ZCWPW2: variants seen among roughly 807,000 people sequenced by gnomAD.
The protein encoded by ZCWPW2 is zinc finger CW-type and PWWP domain containing 2.
Under a neutral mutation model 46.6 loss-of-function variants are expected in ZCWPW2, and 45 were observed. The ratio of observed to expected loss-of-function variants is 0.96; its 90% CI spans 0.76 to 1.24. ZCWPW2 has a LOEUF of 1.24. Among genes scored for constraint, ZCWPW2 ranks in the 50% most tolerant of loss-of-function variants. The pLI, the probability that ZCWPW2 is intolerant of heterozygous loss-of-function variation, is 0.00. For missense variants in ZCWPW2, 429 were observed against 403.9 expected, an observed-to-expected ratio of 1.06 and a Z score of -0.53; for synonymous variants, 152 against 137.1, an observed-to-expected ratio of 1.11 and a Z score of -0.76.
At position 28,435,099 on chromosome 3, in the gene ZCWPW2, TC is replaced by T. The variant is rs1214326054; in HGVS notation, c.333-10del. 6.2e-7 allele frequency: 1 copy of T among 1,604,734 alleles called. No homozygotes were observed. Among genetic ancestry groups the T allele is most frequent in the Non-Finnish European group, 8.5e-7 (1 of 1,177,948 alleles). The stretch of plus-strand genomic sequence containing the variant: ...AGCATCAAAATAATTACAAATATTT[TC>T]TTTTGAAAGTTGGCCAGGAATACTT... On this transcript the variant is annotated splice_polypyrimidine_tract_variant and intron_variant, in intron 3 of 9. Coordinates refer to ENST00000383768, the MANE Select transcript of ZCWPW2 (RefSeq NM_001040432.4).
At chr3:28,422,861 C>T (rs1696851139) in intron 3 of ZCWPW2, among the ~76,000 whole-genome samples, 1 of 152,096 alleles carries the variant, frequency 6.6e-6, no homozygotes, top group Admixed American at 6.5e-5. Flanking sequence ...TGCTTCACCT[C>T]CCTGCCAGCA....
At chr3:28,502,139 A>G (rs569944700) in intron 6 of ZCWPW2, among the ~76,000 whole-genome samples, 110 of 152,098 alleles carry the variant, frequency 7.2e-4, no homozygotes, top group Non-Finnish European at 1.1e-3. Context: ...TTAACAAGAT[A>G]CTCTTTAGTA....
rs1700541303 is a variant in ZCWPW2 at position 28,515,618 on chromosome 3, A to C, written c.781A>C (p.Arg261=). ...YSDDALSKEN[R]VVCETEVLLK... is the part of the protein sequence containing the mutation. ...TGATGATGCCTTATCAAAGGAGAACAGGGGTATGTGAAAGCCTGTCCTGCT... is the reference window on the plus strand; with the variant it reads ...TGATGATGCCTTATCAAAGGAGAACCGGGGTATGTGAAAGCCTGTCCTGCT... Residue 261 remains arginine (R), a synonymous_variant, in exon 8 of 10, where the codon AGG becomes CGG. Coordinates refer to ENST00000383768, the MANE Select transcript of ZCWPW2 (RefSeq NM_001040432.4). 6.2e-7 allele frequency: 1 copy of C among 1,603,876 alleles called. No homozygotes were observed. Among genetic ancestry groups the C allele is most frequent in the Non-Finnish European group, 8.5e-7 (1 of 1,179,000 alleles).
At chr3:28,502,622 C>A (rs530249163) in intron 6 of ZCWPW2, among the ~76,000 whole-genome samples, 1 of 151,934 alleles carries the variant, frequency 6.6e-6, no homozygotes, top group South Asian at 2.1e-4. Context: ...TGTTGTAGTG[C>A]GAAGACCACA....
At chr3:28,392,829 A>G (rs1695548410) in intron 2 of ZCWPW2, among the ~76,000 whole-genome samples, 1 of 152,102 alleles carries the variant, frequency 6.6e-6, no homozygotes, top group Admixed American at 6.5e-5. Context: ...AGAAAAATTT[A>G]TAGCAATAAA....
intron 8 of ZCWPW2, among the ~76,000 whole-genome samples, chr3:28,520,478 G>T (rs2125838801): frequency 6.6e-6 from 1 of 152,200 alleles, no homozygotes; most frequent in Non-Finnish European, 1.5e-5. Flanking sequence ...GGCAAACTGT[G>T]GTCACCAGCT....
chr3:28,517,218 G>A (rs929363974), intron 8 of ZCWPW2, among the ~76,000 whole-genome samples: 2 of 151,902 alleles, frequency 1.3e-5, no homozygotes, highest in African/African-American at 4.8e-5. Context: ...TGCCAGCTTT[G>A]GGGTAACCCA....
intron 5 of ZCWPW2, among the ~76,000 whole-genome samples, chr3:28,482,269 G>T (rs1002982576): frequency 2.6e-5 from 4 of 152,048 alleles, no homozygotes; most frequent in African/African-American, 9.7e-5. Flanking sequence ...TTTCAGATTG[G>T]TTTCTTTCTC....
chr3:28,448,391 G>GT (rs1698079627), intron 4 of ZCWPW2, among the ~76,000 whole-genome samples: 1 of 152,000 alleles, frequency 6.6e-6, no homozygotes, highest in African/African-American at 2.4e-5. Flanking sequence ...TCAAATACTT[G>GT]TACAATGAAA....
chr3:28,396,398 C>A (rs1010608222), intron 2 of ZCWPW2, among the ~76,000 whole-genome samples: 13 of 152,068 alleles, frequency 8.5e-5, no homozygotes, highest in African/African-American at 3.1e-4. Context: ...AAGTAATATT[C>A]TTTTAATCCT....
At chr3:28,521,396 C>G (rs1450097991) in intron 9 of ZCWPW2, among the ~76,000 whole-genome samples, 1 of 152,094 alleles carries the variant, frequency 6.6e-6, no homozygotes, top group East Asian at 1.9e-4. Context: ...CTCACTATAG[C>G]TGAAGTAGGC....
chr3:28,498,082 A>T (rs778877150), intron 6 of ZCWPW2, among the ~76,000 whole-genome samples: 1 of 152,132 alleles, frequency 6.6e-6, no homozygotes, highest in Non-Finnish European at 1.5e-5. Flanking sequence ...ATTAATAGAT[A>T]TAATAAATAT....
chr3:28,389,488 A>G (rs1695405080), intron 1 of ZCWPW2, among the ~76,000 whole-genome samples: 1 of 152,120 alleles, frequency 6.6e-6, no homozygotes, highest in Non-Finnish European at 1.5e-5. Context: ...CATTGGTGAT[A>G]TTTTGCTTAC....
chr3:28,484,444 C>T lies in ZCWPW2; in HGVS notation c.610+5513C>T, dbSNP rs143648825. On this transcript the variant is annotated intron_variant, in intron 5 of 9. Coordinates refer to ENST00000383768, the MANE Select transcript of ZCWPW2 (RefSeq NM_001040432.4). ...GTTTGGGAAGGTTATTATATTGATT[C>T]AATTTCTTTAATAATTGTAGGCCTA... is the stretch of plus-strand genomic sequence containing the variant. 3.5e-3 allele frequency among the ~76,000 whole-genome samples: 537 copies of T among 152,244 alleles called. 2 individuals are homozygous for T. Among genetic ancestry groups the T allele is most frequent in the African/African-American group, 0.012 (513 of 41,552 alleles).
chr3:28,522,357 T>A (rs1455588535), intron 9 of ZCWPW2, among the ~76,000 whole-genome samples: 3 of 152,200 alleles, frequency 2.0e-5, no homozygotes, highest in Non-Finnish European at 2.9e-5. Flanking sequence ...CAATGGCAGT[T>A]GCTAGAGAGA....
At chr3:28,515,879 A>C (rs1007264364) in intron 8 of ZCWPW2, among the ~76,000 whole-genome samples, 11 of 152,176 alleles carry the variant, frequency 7.2e-5, no homozygotes, top group Admixed American at 2.0e-4. Context: ...AGGGCTTTTA[A>C]ATTTTCTTTA....
chr3:28,377,013 C>T (rs1705520031), intron 1 of ZCWPW2, among the ~76,000 whole-genome samples: 1 of 151,518 alleles, frequency 6.6e-6, no homozygotes, highest in Non-Finnish European at 1.5e-5. Flanking sequence ...TTAGACAGTT[C>T]TAATGAAATT....
chr3:28,513,667 C>T (rs1252345290), intron 6 of ZCWPW2, among the ~76,000 whole-genome samples: 1 of 152,136 alleles, frequency 6.6e-6, no homozygotes, highest in African/African-American at 2.4e-5. Context: ...CTTTTGGGCC[C>T]TCACTATGTC....
At chr3:28,455,157 G>A (rs1477757559) in intron 4 of ZCWPW2, among the ~76,000 whole-genome samples, 1 of 151,858 alleles carries the variant, frequency 6.6e-6, no homozygotes, top group Non-Finnish European at 1.5e-5. Flanking sequence ...TTATTTTTTG[G>A]CTTTTTAGTA....
Sources: gnomAD v4.1 joint callset for allele counts (sites outside exome capture counted in the v4.1 genomes callset) on GRCh38, gnomAD v4.1.1 for gene constraint, MANE v1.5 for transcripts, NCBI Gene and HGNC (gene_info 2026-07-23, HGNC 2026-07-21) for gene names.